The following NBR1 variants were observed in gnomAD, a reference collection of about 807,000 sequenced individuals.
NBR1 encodes the protein NBR1 autophagy cargo receptor.
In NBR1, 59 loss-of-function variants were observed where a neutral mutation model predicts 115.5. The observed-to-expected ratio is 0.51, with a 90% CI of 0.41 to 0.63. The LOEUF is 0.63. Among genes scored for constraint, NBR1 ranks in the 30% least tolerant of loss-of-function variants. The probability of loss-of-function intolerance (pLI) is 0.00; values close to 1 mark genes in which losing one functional copy is unlikely to be tolerated. For synonymous variants in NBR1, 373 were observed against 414.7 expected, an observed-to-expected ratio of 0.90 and a Z score of 1.22; for missense variants, 1,043 against 1,150.5, an observed-to-expected ratio of 0.91 and a Z score of 1.35.
At chr17:43,190,321 C>A in intron 8 of NBR1, 1 of 408,440 alleles carries the variant, frequency 2.4e-6, no homozygotes, top group Non-Finnish European at 4.6e-6. Context: ...TCCTCTTCTC[C>A]ATGGCCTCCC....
At chr17:43,197,246 G>A (rs538120826) in intron 16 of NBR1, 140 bp downstream of exon 16, 16 of 887,296 alleles carry the variant, frequency 1.8e-5, no homozygotes, top group African/African-American at 3.4e-5. Flanking sequence ...TTGGCGGGGC[G>A]TGGTGGCTCA....
At chr17:43,184,383 T>TTTTTTTTTTTTA (rs2056751123) in intron 5 of NBR1, among the ~76,000 whole-genome samples, 1 of 145,770 alleles carries the variant, frequency 6.9e-6, no homozygotes, top group Non-Finnish European at 1.5e-5. Flanking sequence ...TTTTTTTTTT[T>TTTTTTTTTTTTA]GAGACAGAGT....
At chr17:43,180,662 A>C (rs780188420) in intron 4 of NBR1, 133 bp from the exon 5 acceptor site, 1 of 1,034,648 alleles carries the variant, frequency 9.7e-7, no homozygotes, top group South Asian at 2.6e-5. Flanking sequence ...AGGATTGGCT[A>C]TCCTTAATCT....
At chr17:43,206,171 GTCTCAAAAAAAAAAAAA>G (rs1223785466) in intron 20 of NBR1, among the ~76,000 whole-genome samples, 1 of 145,238 alleles carries the variant, frequency 6.9e-6, no homozygotes, top group African/African-American at 2.6e-5. Context: ...GCGAGACTCT[GTCTCAAAAAAAAAAAAA>G]AAGAAAAAGA....
At chr17:43,194,250 A>G in intron 12 of NBR1, 100 bp from the exon 13 acceptor site, 1 of 1,058,206 alleles carries the variant, frequency 9.4e-7, no homozygotes, top group Non-Finnish European at 1.4e-6. Flanking sequence ...TTTTTAAAAT[A>G]TGGAGGTACA....
At chr17:43,188,989 T>C in intron 6 of NBR1, 53 bp from the exon 7 acceptor site, 3 of 1,207,658 alleles carry the variant, frequency 2.5e-6, no homozygotes, top group Non-Finnish European at 3.7e-6. Flanking sequence ...CCAGGAAAAG[T>C]ATTTTAAATA....
Position 43,194,480 on chromosome 17 carries a change from T to C in NBR1, c.1655T>C (p.Val552Ala). ...GAGAGGGAGCTCTACATCCCATCTG[T>C]GGATCTTCTGACTGCCCAGGTGGAA... ...ASERELYIPS[V>A]DLLTAQDLLS... The change falls in exon 13 of 21, where the codon GTG becomes GCG. Residue 552 changes from valine to alanine, a missense_variant. Coordinates refer to ENST00000590996, the MANE Select transcript of NBR1 (RefSeq NM_005899.5). The C allele has an allele frequency of 6.2e-7, 1 of 1,613,934 alleles. No homozygotes were observed. Among genetic ancestry groups the C allele is most frequent in the Non-Finnish European group, 8.5e-7 (1 of 1,179,862 alleles).
intron 2 of NBR1, among the ~76,000 whole-genome samples, chr17:43,177,596 C>T: frequency 6.6e-6 from 1 of 151,316 alleles, no homozygotes; most frequent in African/African-American, 2.4e-5. Context: ...CACACACACA[C>T]ACACACACAC....
At chr17:43,204,960 A>T (rs1598016808) in intron 20 of NBR1, among the ~76,000 whole-genome samples, 1 of 152,208 alleles carries the variant, frequency 6.6e-6, no homozygotes, top group Admixed American at 6.6e-5. Flanking sequence ...TGGGTGACTG[A>T]GCGAGACCCT....
chr17:43,208,082 G>A (rs1484291451), intron 20 of NBR1, among the ~76,000 whole-genome samples: 1 of 152,194 alleles, frequency 6.6e-6, no homozygotes, highest in Non-Finnish European at 1.5e-5. Context: ...AAGGAAGGGT[G>A]TTTTAATAAG....
chr17:43,184,592 C>G (rs1412796449), intron 5 of NBR1, among the ~76,000 whole-genome samples: 1 of 151,558 alleles, frequency 6.6e-6, no homozygotes, highest in Non-Finnish European at 1.5e-5. Flanking sequence ...TCTCGAACTC[C>G]TGACCTCAGG....
At chr17:43,177,892 T>C in intron 2 of NBR1, 44 bp from the exon 3 acceptor site, 1 of 1,391,208 alleles carries the variant, frequency 7.2e-7, no homozygotes, top group South Asian at 1.5e-5. Context: ...CTTTGACTTC[T>C]GTGTACATTA....
chr17:43,182,097 C>G (rs959931352), intron 5 of NBR1, among the ~76,000 whole-genome samples: 16 of 151,478 alleles, frequency 1.1e-4, no homozygotes, highest in African/African-American at 3.9e-4. Flanking sequence ...TCAAGTGATC[C>G]TGCTGCCTCA....
intron 10 of NBR1, among the ~76,000 whole-genome samples, 182 bp downstream of exon 10, chr17:43,191,763 C>A (rs773447206): frequency 6.6e-6 from 1 of 152,268 alleles, no homozygotes; most frequent in Non-Finnish European, 1.5e-5. Context: ...GCTCTGTCAC[C>A]CAGGCGGTAG....
In NBR1 at chr17:43,191,341, T is replaced by G. The variant is rs1394377492; in HGVS notation, c.864-31T>G. On this transcript the variant is annotated intron_variant, in intron 9 of 20. Coordinates refer to ENST00000590996, the MANE Select transcript of NBR1 (RefSeq NM_005899.5). ...TAGCTTCAGAATTTATTTGTGACTT[T>G]CTTTTAAGACTTGCTTTTATTATCT... The G allele has an allele frequency of 3.3e-6, 5 of 1,519,748 alleles. No homozygotes were observed. In the Admixed American group the frequency reaches 9.1e-5, roughly 28 times the overall value. The allele number at this position is 1,519,748 out of a possible 1,614,324, so 94.1% of individuals were successfully genotyped here. A position where few individuals can be genotyped will look rare whatever the true frequency, so the allele number is the denominator to read the frequency against.
At chr17:43,180,844 A>G (rs1209584393) in intron 5 of NBR1, 27 bp downstream of exon 5, 1 of 1,389,960 alleles carries the variant, frequency 7.2e-7, no homozygotes, top group Non-Finnish European at 9.4e-7. Flanking sequence ...CTCATTTTTA[A>G]ATAATTTAAA....
chr17:43,194,279 G>A, intron 12 of NBR1, 71 bp from the exon 13 acceptor site: 1 of 1,357,078 alleles, frequency 7.4e-7, no homozygotes, highest in Non-Finnish European at 1.0e-6. Flanking sequence ...TTTATTTTTG[G>A]GGGCATTGTC....
In NBR1 at chr17:43,189,576, T is replaced by G; in HGVS notation, c.481-12T>G. Reference sequence around the variant, plus strand: ...ACTGAGTTTTTTCCCTACCTTCTGCTCCATATTCTAGTTCAGAGAACAAGT... The same window carrying G: ...ACTGAGTTTTTTCCCTACCTTCTGCGCCATATTCTAGTTCAGAGAACAAGT... On this transcript the variant is annotated splice_polypyrimidine_tract_variant and intron_variant, in intron 7 of 20. Coordinates refer to ENST00000590996, the MANE Select transcript of NBR1 (RefSeq NM_005899.5). The G allele has an allele frequency of 6.2e-7, 1 of 1,605,748 alleles. No homozygotes were observed. The highest frequency in any genetic ancestry group is 8.5e-7 in the Non-Finnish European group (1 of 1,172,716).
intron 20 of NBR1, among the ~76,000 whole-genome samples, chr17:43,205,159 T>C (rs987736876): frequency 2.0e-5 from 3 of 151,722 alleles, no homozygotes; most frequent in African/African-American, 4.8e-5. Context: ...TTCGAGACCA[T>C]CCTGGCCAAC....
Sources: allele counts gnomAD v4.1 joint callset (sites outside exome capture counted in the v4.1 genomes callset), GRCh38; gene constraint gnomAD v4.1.1; transcripts MANE v1.5; gene names NCBI Gene and HGNC (gene_info 2026-07-23, HGNC 2026-07-21).